The following NSUN3 variants were observed in gnomAD, a reference collection of about 807,000 sequenced individuals.
The protein encoded by NSUN3 is NOP2/Sun RNA methyltransferase 3.
In NSUN3, 24 loss-of-function variants were observed where a neutral mutation model predicts 36.8. The ratio of observed to expected loss-of-function variants is 0.65; its 90% CI spans 0.47 to 0.92. NSUN3 has a LOEUF of 0.92. Among genes scored for constraint, NSUN3 ranks in the 40% least tolerant of loss-of-function variants. The pLI is 0.00. For synonymous variants in NSUN3, 146 were observed against 145.2 expected (o/e 1.01, Z -0.04); for missense variants, 381 against 392.8 (o/e 0.97, Z 0.25).
At chr3:94,126,149 G>C (rs1420530954) in intron 5 of NSUN3, 62 bp from the exon 6 acceptor site, 3 of 1,412,762 alleles carry the variant, frequency 2.1e-6, no homozygotes, top group South Asian at 1.4e-5. Context: ...TTTGCTGTCA[G>C]ACCCCCTGGT....
chr3:94,094,127 C>G lies in NSUN3; in HGVS notation c.467-13C>G. 1 of 1,553,162 alleles carries G rather than the reference C, an allele frequency of 6.4e-7. No homozygotes were observed. Among genetic ancestry groups the G allele is most frequent in the Non-Finnish European group, 8.7e-7 (1 of 1,153,294 alleles). ...TTGCCTTCATTTGAAACTTTTTAAT[C>G]CTTTTTATTTAGGTTATCTTCATTG... On this transcript the variant is annotated splice_polypyrimidine_tract_variant and intron_variant, in intron 3 of 5. Coordinates refer to ENST00000314622, the MANE Select transcript of NSUN3 (RefSeq NM_022072.5).
rs946896818 is a variant in NSUN3 at position 94,129,919 on chromosome 3, A to T, written c.*3429A>T. On this transcript the variant is annotated 3_prime_UTR_variant, in exon 6 of 6. Coordinates refer to ENST00000314622, the MANE Select transcript of NSUN3 (RefSeq NM_022072.5). ...AGGCACCCGCCACCATGCTTGGCTA[A>T]TTTTTTTTGTATTTTTAGTAAAGAT... 6.6e-6 allele frequency among the ~76,000 whole-genome samples: 1 copy of T among 150,648 alleles called. No homozygotes were observed. The highest frequency in any genetic ancestry group is 1.5e-5 in the Non-Finnish European group (1 of 67,622).
At chr3:94,108,134 A>C (rs776218184) in intron 5 of NSUN3, among the ~76,000 whole-genome samples, 4 of 151,988 alleles carry the variant, frequency 2.6e-5, no homozygotes, top group Non-Finnish European at 5.9e-5. Context: ...AAATGTAAGA[A>C]TAGTACAAGG....
chr3:94,082,834 T>A (rs1014954173), intron 2 of NSUN3, among the ~76,000 whole-genome samples: 1 of 152,144 alleles, frequency 6.6e-6, no homozygotes, highest in African/African-American at 2.4e-5. Context: ...CATAAGTGGT[T>A]TTTAAATCAT....
chr3:94,121,189 T>A lies in NSUN3; in HGVS notation c.744-5022T>A, dbSNP rs1053123063. On this transcript the variant is annotated intron_variant, in intron 5 of 5. Coordinates refer to ENST00000314622, the MANE Select transcript of NSUN3 (RefSeq NM_022072.5). ...ACTAATATCAAGATGCTGGCAGAGA[T>A]GTGTTCCTCCTGGAGGTGCTAAGGG... Among the ~76,000 whole-genome samples, 3 of 152,244 alleles carry A rather than the reference T, an allele frequency of 2.0e-5. No individual in the cohort carries two copies. The East Asian group carries it at 5.8e-4, about 29-fold the overall frequency.
intron 3 of NSUN3, among the ~76,000 whole-genome samples, chr3:94,088,689 T>A (rs978467322): frequency 1.3e-5 from 2 of 150,438 alleles, no homozygotes; most frequent in Admixed American, 6.6e-5. Flanking sequence ...TTTTTTTTTT[T>A]AGACATAGAG....
chr3:94,122,709 C>A (rs1441571810), intron 5 of NSUN3, among the ~76,000 whole-genome samples: 3 of 152,038 alleles, frequency 2.0e-5, no homozygotes, highest in Non-Finnish European at 2.9e-5. Flanking sequence ...AGGCAAATGT[C>A]TTTTGCCTTT....
intron 2 of NSUN3, chr3:94,082,165 G>T (rs990754573): frequency 1.3e-5 from 2 of 152,154 alleles, no homozygotes; most frequent in Non-Finnish European, 2.9e-5. Flanking sequence ...CTGTTTGGAG[G>T]TAAGATTAGG....
intron 3 of NSUN3, chr3:94,085,061 GT>G (rs1405050495): frequency 6.6e-6 from 1 of 152,088 alleles, no homozygotes; most frequent in African/African-American, 2.4e-5. Flanking sequence ...TTTAAAATTG[GT>G]TACGTTACAG....
At chr3:94,075,712 G>A (rs998030639) in intron 2 of NSUN3, among the ~76,000 whole-genome samples, 2 of 151,636 alleles carry the variant, frequency 1.3e-5, no homozygotes, top group African/African-American at 4.9e-5. Flanking sequence ...ACGTAAGTCT[G>A]TGGCTTTGCT....
intron 2 of NSUN3, among the ~76,000 whole-genome samples, chr3:94,067,805 G>GC (rs35415875): frequency 1.3e-5 from 2 of 151,838 alleles, no homozygotes; most frequent in African/African-American, 4.8e-5. Flanking sequence ...ACTTTAACTT[G>GC]CCCAAGTATA....
At chr3:94,069,658 C>T (rs1223568712) in intron 2 of NSUN3, among the ~76,000 whole-genome samples, 2 of 152,136 alleles carry the variant, frequency 1.3e-5, no homozygotes. Context: ...TAAACATTAT[C>T]GAAATGATAC....
intron 2 of NSUN3, chr3:94,075,777 T>C: frequency 1.4e-6 from 1 of 720,386 alleles, no homozygotes; most frequent in Non-Finnish European, 2.0e-6. Context: ...TTTGGGCTAA[T>C]AGCATTATTG....
intron 5 of NSUN3, among the ~76,000 whole-genome samples, chr3:94,108,870 G>T (rs2077403260): frequency 1.3e-5 from 2 of 151,736 alleles, no homozygotes; most frequent in Admixed American, 6.6e-5. Context: ...TCACCATGTT[G>T]GTCAGGCTGG....
At chr3:94,075,852 C>T in intron 2 of NSUN3, 1 of 1,084,836 alleles carries the variant, frequency 9.2e-7, no homozygotes, top group Non-Finnish European at 1.4e-6. Context: ...TTAAATCACT[C>T]TCAGGGTTGA....
At chr3:94,101,888 A>G (rs940069213) in intron 5 of NSUN3, among the ~76,000 whole-genome samples, 15 of 152,196 alleles carry the variant, frequency 9.9e-5, no homozygotes, top group Non-Finnish European at 1.8e-4. Context: ...ATATTTGTAT[A>G]AGAGAAGTTT....
intron 5 of NSUN3, among the ~76,000 whole-genome samples, chr3:94,105,249 G>A (rs1028152511): frequency 6.6e-6 from 1 of 152,078 alleles, no homozygotes; most frequent in African/African-American, 2.4e-5. Flanking sequence ...TGGGAACAAC[G>A]ACTTTTATGA....
intron 2 of NSUN3, chr3:94,082,065 A>C (rs531089258): frequency 7.5e-4 from 114 of 152,352 alleles, no homozygotes; most frequent in African/African-American, 2.7e-3. Context: ...GGGTAGGCAC[A>C]TGATGCAAGC....
chr3:94,064,635 A>G, intron 2 of NSUN3, 89 bp downstream of exon 2: 1 of 773,936 alleles, frequency 1.3e-6, no homozygotes. Flanking sequence ...TGAGGTTAAA[A>G]GGCAAAGGAA....
Sources: gnomAD v4.1 joint callset for allele counts (sites outside exome capture counted in the v4.1 genomes callset) on GRCh38, gnomAD v4.1.1 for gene constraint, MANE v1.5 for transcripts, NCBI Gene and HGNC (gene_info 2026-07-23, HGNC 2026-07-21) for gene names.